Variants in SLC39A11 observed in about 807,000 individuals in gnomAD.
The protein encoded by SLC39A11 is zinc transporter ZIP11.
SLC39A11 carries 33 observed loss-of-function variants against 36.1 expected under a neutral mutation model. That is an observed-to-expected ratio of 0.91 (90% confidence interval 0.69 to 1.22). SLC39A11 has a LOEUF of 1.22. Ranked by LOEUF, SLC39A11 falls within the 50% of genes most tolerant of loss-of-function variation. The probability of loss-of-function intolerance (pLI) is 0.00; values close to 1 mark genes in which losing one functional copy is unlikely to be tolerated. For missense variants in SLC39A11, 432 were observed against 430.3 expected (o/e 1.00, Z -0.03); for synonymous variants, 166 against 170.3 (o/e 0.97, Z 0.20).
intron 6 of SLC39A11, among the ~76,000 whole-genome samples, chr17:72,785,953 A>G (rs1300672253): frequency 1.4e-5 from 2 of 146,744 alleles, no homozygotes; most frequent in Non-Finnish European, 3.0e-5. Flanking sequence ...ATTAAATTTG[A>G]TTGGCCAAGC....
intron 7 of SLC39A11, among the ~76,000 whole-genome samples, chr17:72,701,727 CAAAA>C (rs57220008): frequency 2.3e-5 from 2 of 88,850 alleles, no homozygotes; most frequent in Admixed American, 1.2e-4. Flanking sequence ...GATTCTGTCT[CAAAA>C]AAAAAAAAAA....
chr17:72,729,929 G>T (rs2074146029), intron 7 of SLC39A11, among the ~76,000 whole-genome samples: 1 of 152,016 alleles, frequency 6.6e-6, no homozygotes, highest in African/African-American at 2.4e-5. Context: ...ATTACTATGG[G>T]TATCTTTTCT....
At chr17:72,694,156 C>T (rs911348419) in intron 7 of SLC39A11, among the ~76,000 whole-genome samples, 13 of 152,154 alleles carry the variant, frequency 8.5e-5, no homozygotes, top group East Asian at 1.9e-4. Flanking sequence ...GTGGAGCCAG[C>T]GGTGGGTGAG....
At chr17:72,916,194 C>A (rs1466328411) in intron 5 of SLC39A11, among the ~76,000 whole-genome samples, 2 of 150,424 alleles carry the variant, frequency 1.3e-5, no homozygotes, top group South Asian at 4.2e-4. Context: ...CAGTGAAATG[C>A]GCGCACACAC....
At chr17:72,985,197 C>T (rs2088628353) in intron 4 of SLC39A11, among the ~76,000 whole-genome samples, 1 of 152,146 alleles carries the variant, frequency 6.6e-6, no homozygotes, top group Non-Finnish European at 1.5e-5. Context: ...CTGGGAGGGA[C>T]ATACAGGGGG....
intron 6 of SLC39A11, among the ~76,000 whole-genome samples, chr17:72,757,038 T>C (rs2075383807): frequency 6.8e-6 from 1 of 148,106 alleles, no homozygotes; most frequent in East Asian, 2.0e-4. Context: ...TGGTAGCGGG[T>C]GCCTGTAATC....
chr17:73,088,385 T>A (rs1488703815), intron 2 of SLC39A11, among the ~76,000 whole-genome samples: 1 of 152,070 alleles, frequency 6.6e-6, no homozygotes, highest in Non-Finnish European at 1.5e-5. Context: ...ACTGGGCTTC[T>A]CACTTCCTAT....
chr17:72,953,999 T>C (rs569136355), intron 4 of SLC39A11, among the ~76,000 whole-genome samples: 37 of 152,226 alleles, frequency 2.4e-4, no homozygotes, highest in Non-Finnish European at 5.1e-4. Context: ...GTGATGACCC[T>C]GCACGTTGCT....
intron 7 of SLC39A11, among the ~76,000 whole-genome samples, chr17:72,676,667 A>G (rs2071274588): frequency 6.6e-6 from 1 of 152,200 alleles, no homozygotes; most frequent in Non-Finnish European, 1.5e-5. Flanking sequence ...ACAGATATAA[A>G]AATTCCCTAA....
chr17:72,748,598 G>C (rs2075036516), intron 6 of SLC39A11, among the ~76,000 whole-genome samples: 3 of 152,192 alleles, frequency 2.0e-5, no homozygotes, highest in African/African-American at 7.2e-5. Flanking sequence ...CGCCTCGTTT[G>C]TATGACTGAA....
intron 3 of SLC39A11, among the ~76,000 whole-genome samples, chr17:73,032,560 C>T (rs757094716): frequency 4.6e-5 from 7 of 152,284 alleles, no homozygotes; most frequent in Non-Finnish European, 8.8e-5. Flanking sequence ...CACTACTTCA[C>T]GAGTTCCACT....
intron 3 of SLC39A11, among the ~76,000 whole-genome samples, chr17:73,073,321 C>T (rs1391878617): frequency 6.6e-6 from 1 of 152,178 alleles, no homozygotes; most frequent in Admixed American, 6.5e-5. Flanking sequence ...GTGGGTGCCC[C>T]ATAGCACCTG....
intron 4 of SLC39A11, among the ~76,000 whole-genome samples, chr17:73,026,986 G>A (rs1466289060): frequency 1.3e-5 from 2 of 152,192 alleles, no homozygotes; most frequent in Middle Eastern, 3.4e-3. Flanking sequence ...GCCGGGCATG[G>A]TAGCACACGC....
chr17:72,896,530 C>T (rs1187110099), intron 5 of SLC39A11, among the ~76,000 whole-genome samples: 2 of 152,028 alleles, frequency 1.3e-5, no homozygotes, highest in African/African-American at 2.4e-5. Context: ...ACTCAGTAAA[C>T]ATTTGTTAGT....
chr17:72,763,347 T>C (rs2075654986), intron 6 of SLC39A11, among the ~76,000 whole-genome samples: 2 of 152,182 alleles, frequency 1.3e-5, no homozygotes. Flanking sequence ...AACAGGAATT[T>C]CCTATGGTCC....
intron 7 of SLC39A11, among the ~76,000 whole-genome samples, chr17:72,696,077 C>A (rs1374903413): frequency 6.6e-6 from 1 of 152,160 alleles, no homozygotes; most frequent in Non-Finnish European, 1.5e-5. Flanking sequence ...GGCAAAGAGT[C>A]TGCAAGGAGA....
chr17:72,913,438 T>C (rs1443639524), intron 5 of SLC39A11, among the ~76,000 whole-genome samples: 1 of 151,940 alleles, frequency 6.6e-6, no homozygotes, highest in East Asian at 1.9e-4. Context: ...GAAGGAAAAA[T>C]CAAGATACAT....
Position 72,813,054 on chromosome 17 carries a change from G to A in SLC39A11, c.601+36580C>T, listed in dbSNP as rs141371961. Among the ~76,000 whole-genome samples the A allele has an allele frequency of 1.6e-3, 251 of 152,262 alleles. 2 individuals are homozygous for A. The highest frequency in any genetic ancestry group is 5.3e-3 in the African/African-American group (221 of 41,534). ...ACACAGGGGCAGAAAATGGTTGTTCGTGAGTCATTCTGACGTCAGCTCTTT... is the reference window on the plus strand; with the variant it reads ...ACACAGGGGCAGAAAATGGTTGTTCATGAGTCATTCTGACGTCAGCTCTTT... On this transcript the variant is annotated intron_variant, in intron 6 of 9. Transcript: ENST00000255559.
chr17:72,949,950 GACACACACACACACACAC>G (rs67207508), intron 4 of SLC39A11, among the ~76,000 whole-genome samples: 233 of 146,250 alleles, frequency 1.6e-3, no homozygotes, highest in African/African-American at 5.1e-3. Flanking sequence ...AGGCTGCTGT[GACACACACACACACACAC>G]ACACACACAC....
Sources: allele counts gnomAD v4.1 joint callset (sites outside exome capture counted in the v4.1 genomes callset), GRCh38; gene constraint gnomAD v4.1.1; transcripts MANE v1.5; gene names NCBI Gene and HGNC (gene_info 2026-07-23, HGNC 2026-07-21).